Variants in ZSWIM6 observed in about 807,000 individuals in gnomAD.
The protein encoded by ZSWIM6 is zinc finger SWIM-type containing 6, also known as zinc finger SWIM domain-containing protein 6.
A neutral mutation model predicts 113.2 loss-of-function variants in ZSWIM6; 9 were observed. The observed-to-expected ratio is 0.08, with a 90% CI of 0.05 to 0.14. ZSWIM6 has a LOEUF of 0.14. Among genes scored for constraint, ZSWIM6 ranks in the 10% least tolerant of loss-of-function variants. The pLI is 1.00. For missense variants in ZSWIM6, 1,162 were observed against 1,552.2 expected, an observed-to-expected ratio of 0.75 and a Z score of 4.22; for synonymous variants, 611 against 606.5, an observed-to-expected ratio of 1.01 and a Z score of -0.11.
In ZSWIM6 at chr5:61,539,599, A is replaced by G; in HGVS notation, c.2543A>G (p.Asp848Gly). Residue 848 changes from aspartate to glycine, a missense_variant, in exon 12 of 14, where the codon GAT becomes GGT. By Grantham distance (94) the Asp-to-Gly change is moderately conservative. Transcript: ENST00000252744. ...ASTMLTAAKG[D>G]VRRLETVLES... ...GGTTTTCCCTTGTTCATTGCAGGCGATGTTCGGAGGCTGGAAACAGTATTA... is the reference window on the plus strand; with the variant it reads ...GGTTTTCCCTTGTTCATTGCAGGCGGTGTTCGGAGGCTGGAAACAGTATTA... 6.5e-7 allele frequency: 1 copy of G among 1,550,036 alleles called. No homozygotes were observed. The highest frequency in any genetic ancestry group is 8.7e-7 in the Non-Finnish European group (1 of 1,146,114).
intron 5 of ZSWIM6, 49 bp downstream of exon 5, chr5:61,521,491 A>C (rs1749119617): frequency 7.6e-7 from 1 of 1,316,738 alleles, no homozygotes; most frequent in African/African-American, 1.5e-5. Flanking sequence ...TTAATTATGC[A>C]TATGTGCTTA....
At chr5:61,379,381 C>A (rs927547027) in intron 1 of ZSWIM6, among the ~76,000 whole-genome samples, 21 of 151,820 alleles carry the variant, frequency 1.4e-4, no homozygotes, top group African/African-American at 4.8e-4. Context: ...GTTTTATTGC[C>A]TCTCTTTTCC....
chr5:61,363,582 C>T (rs1561207999), intron 1 of ZSWIM6, among the ~76,000 whole-genome samples: 2 of 152,030 alleles, frequency 1.3e-5, no homozygotes, highest in African/African-American at 4.8e-5. Context: ...ATTACGGAAA[C>T]TTATTATTGG....
At chr5:61,426,257 A>G (rs1485136255) in intron 1 of ZSWIM6, among the ~76,000 whole-genome samples, 1 of 152,258 alleles carries the variant, frequency 6.6e-6, no homozygotes, top group Non-Finnish European at 1.5e-5. Flanking sequence ...TGTGATACAT[A>G]TAAACCTTCT....
chr5:61,423,222 C>T (rs1162838534), intron 1 of ZSWIM6, among the ~76,000 whole-genome samples: 3 of 152,026 alleles, frequency 2.0e-5, no homozygotes, highest in African/African-American at 7.2e-5. Flanking sequence ...GCCTGGCCAA[C>T]ATAGTGAAAC....
Position 61,412,708 on chromosome 5 carries a change from A to C in ZSWIM6, c.677-59973A>C, listed in dbSNP as rs1292801977. ...TTGGTTCCTAAGAACCCTGCTGAAG[A>C]ATCTATGTTTTCTTAGGAGTGTCCA... On this transcript the variant is annotated intron_variant, in intron 1 of 13. Coordinates refer to ENST00000252744, the MANE Select transcript of ZSWIM6 (RefSeq NM_020928.2). 2.6e-5 allele frequency among the ~76,000 whole-genome samples: 4 copies of C among 152,226 alleles called. No homozygotes were observed. The East Asian group carries it at 5.8e-4, about 22-fold the overall frequency.
intron 9 of ZSWIM6, 112 bp downstream of exon 9, chr5:61,531,837 G>A: frequency 4.9e-6 from 6 of 1,213,930 alleles, no homozygotes; most frequent in Non-Finnish European, 4.6e-6. Flanking sequence ...TATCCTGATT[G>A]CTATAGTCAT....
chr5:61,506,897 G>C (rs1748636782), intron 4 of ZSWIM6, among the ~76,000 whole-genome samples: 1 of 152,058 alleles, frequency 6.6e-6, no homozygotes, highest in African/African-American at 2.4e-5. Context: ...TGGAAGCCTG[G>C]GAAATACCAA....
At chr5:61,395,491 A>C (rs1294527520) in intron 1 of ZSWIM6, among the ~76,000 whole-genome samples, 2 of 152,214 alleles carry the variant, frequency 1.3e-5, no homozygotes, top group Non-Finnish European at 2.9e-5. Context: ...TGAGTTAAGC[A>C]ATATCAGAGT....
rs562398804 is a variant in ZSWIM6, at chr5:61,455,402, G to A, written c.677-17279G>A. On this transcript the variant is annotated intron_variant, in intron 1 of 13. Transcript: ENST00000252744. ...CTGAGCAAAATTCACCAATATCCCC[G>A]CACTGAAGCTTAAGCCTGAACTCAG... Among the ~76,000 whole-genome samples, 14 of 152,072 alleles carry A rather than the reference G, an allele frequency of 9.2e-5. No individual in the cohort carries two copies. In the South Asian group the frequency reaches 2.3e-3, roughly 25 times the overall value.
At chr5:61,347,296 C>A in intron 1 of ZSWIM6, 1 of 177,466 alleles carries the variant, frequency 5.6e-6, no homozygotes. Context: ...ATTGGCTAGG[C>A]CATCATCTTC....
chr5:61,543,861 C>A lies in ZSWIM6; in HGVS notation c.3192C>A (p.Asp1064Glu). ...MTHLNLSYNQDTHPAINDVLW... is the reference protein window; with the variant it reads ...MTHLNLSYNQETHPAINDVLW... ...ATCTCAACCTGAGCTACAATCAGGA[C>A]ACACACCCTGCCATTAATGATGTTT... Residue 1064 changes from aspartate (D) to glutamate (E), a missense_variant, in exon 14 of 14, where the codon GAC (aspartate) becomes GAA (glutamate). Around this residue, in one of 4 missense-constraint regions of ZSWIM6, gnomAD observed 113 missense variants for 213.8 expected, o/e 0.53. Coordinates refer to ENST00000252744, the MANE Select transcript of ZSWIM6 (RefSeq NM_020928.2). The surrounding 1 kb of genome is among the most constrained non-coding windows in gnomAD (Gnocchi z 4.3). 1 of 1,551,886 alleles carries A rather than the reference C, an allele frequency of 6.4e-7. No individual in the cohort carries two copies. The highest frequency in any genetic ancestry group is 2.0e-5 in the Admixed American group (1 of 51,016).
chr5:61,423,108 T>A (rs1044838209), intron 1 of ZSWIM6, among the ~76,000 whole-genome samples: 2 of 152,096 alleles, frequency 1.3e-5, no homozygotes, highest in African/African-American at 4.8e-5. Flanking sequence ...AGTATTATGT[T>A]GAATAATAGT....
Position 61,359,512 on chromosome 5 carries a change from G to A in ZSWIM6, c.676+26564G>A, listed in dbSNP as rs765765777. 7.9e-5 allele frequency among the ~76,000 whole-genome samples: 12 copies of A among 152,142 alleles called. No homozygotes were observed. The South Asian group carries it at 1.0e-3, about 13-fold the overall frequency. ...GCCTTCATCCAAGCTAGTTAAAGGCGTACACCAGGTGAATGAAGATGGGTG... is the reference window on the plus strand; with the variant it reads ...GCCTTCATCCAAGCTAGTTAAAGGCATACACCAGGTGAATGAAGATGGGTG... On this transcript the variant is annotated intron_variant, in intron 1 of 13. Transcript: ENST00000252744.
chr5:61,427,478 C>A (rs1440098155), intron 1 of ZSWIM6, among the ~76,000 whole-genome samples: 2 of 151,980 alleles, frequency 1.3e-5, no homozygotes, highest in African/African-American at 2.4e-5. Context: ...TTTTCTCCCC[C>A]AGATATTTTT....
intron 1 of ZSWIM6, among the ~76,000 whole-genome samples, chr5:61,371,321 A>C (rs1378008640): frequency 6.6e-6 from 1 of 152,228 alleles, no homozygotes; most frequent in Non-Finnish European, 1.5e-5. Context: ...AAGATGTAAC[A>C]GGCATTCCTT....
At chr5:61,389,895 T>A (rs182145393) in intron 1 of ZSWIM6, among the ~76,000 whole-genome samples, 30 of 152,216 alleles carry the variant, frequency 2.0e-4, no homozygotes, top group Non-Finnish European at 3.7e-4. Context: ...ATGTAGTTTT[T>A]GATCTGGGAA....
chr5:61,448,165 T>G (rs1465114281), intron 1 of ZSWIM6, among the ~76,000 whole-genome samples: 1 of 152,204 alleles, frequency 6.6e-6, no homozygotes, highest in Admixed American at 6.5e-5. Flanking sequence ...AAAGAAACCA[T>G]AAACATCAGT....
rs147482341 is a variant in ZSWIM6, at chr5:61,532,051, G to C, written c.2245+326G>C. 6.3e-3 allele frequency among the ~76,000 whole-genome samples: 955 copies of C among 152,240 alleles called. 6 individuals are homozygous for C. Among genetic ancestry groups the C allele is most frequent in the South Asian group, 0.037 (177 of 4,814 alleles). ...GAGATAAATGCAATTTTGATATTTA[G>C]TGCATTATTATTGGCAGGCATGTTC... On this transcript the variant is annotated intron_variant, in intron 9 of 13. Transcript: ENST00000252744.
Sources: gnomAD v4.1 joint callset for allele counts (sites outside exome capture counted in the v4.1 genomes callset) on GRCh38, gnomAD v4.1.1 for gene constraint, gnomAD v4.1.1 regional missense constraint, Gnocchi (gnomAD v3.1) non-coding constraint, MANE v1.5 for transcripts, NCBI Gene and HGNC (gene_info 2026-07-23, HGNC 2026-07-21) for gene names.